The following MIA2 variants were observed in gnomAD, a reference collection of about 807,000 sequenced individuals.
The protein encoded by MIA2 is MIA SH3 domain ER export factor 2.
In MIA2, 127 loss-of-function variants were observed where a neutral mutation model predicts 167.8. The observed-to-expected ratio is 0.76, with a 90% CI of 0.66 to 0.88. MIA2 has a LOEUF of 0.88. Ranked by LOEUF, MIA2 falls within the 40% of genes least tolerant of loss-of-function variation. MIA2 has a pLI of 0.00. For synonymous variants in MIA2, 552 were observed against 541.9 expected (o/e 1.02, Z -0.26); for missense variants, 1,690 against 1,624.7 (o/e 1.04, Z -0.69).
chr14:39,348,074 A>G (rs1336449789), intron 27 of MIA2, among the ~76,000 whole-genome samples: 1 of 152,138 alleles, frequency 6.6e-6, no homozygotes, highest in African/African-American at 2.4e-5. Context: ...TGGCCTCCCA[A>G]AGTGCTGGTA....
intron 10 of MIA2, chr14:39,292,828 GA>G (rs1399285965): frequency 1.8e-5 from 3 of 166,234 alleles, no homozygotes; most frequent in Non-Finnish European, 3.9e-5. Flanking sequence ...AAGCAGCCTT[GA>G]TTTTTTTTTA....
downstream of MIA2, among the ~76,000 whole-genome samples, chr14:39,352,087 A>G (rs1221025188): frequency 6.6e-6 from 1 of 152,076 alleles, no homozygotes; most frequent in Non-Finnish European, 1.5e-5. Flanking sequence ...GGCCAGGTAT[A>G]CAATTTCCCC....
At chr14:39,305,586 C>G (rs1375136243) in intron 17 of MIA2, among the ~76,000 whole-genome samples, 1 of 152,076 alleles carries the variant, frequency 6.6e-6, no homozygotes, top group Admixed American at 6.5e-5. Context: ...CTGTTTCTTC[C>G]TTTTCTGGTA....
chr14:39,321,783 C>G (rs2066488468), intron 24 of MIA2, among the ~76,000 whole-genome samples: 1 of 130,348 alleles, frequency 7.7e-6, no homozygotes, highest in Non-Finnish European at 1.6e-5. Flanking sequence ...TTTTTGGAGA[C>G]TGTTTTCACT....
downstream of MIA2, among the ~76,000 whole-genome samples, chr14:39,354,480 A>G (rs554361353): frequency 1.6e-4 from 25 of 152,246 alleles, no homozygotes; most frequent in African/African-American, 5.8e-4. Context: ...AGATGAGTAG[A>G]TTGCAAAAAT....
chr14:39,237,988 C>T (rs934648134), intron 2 of MIA2, among the ~76,000 whole-genome samples: 7 of 152,090 alleles, frequency 4.6e-5, no homozygotes, highest in African/African-American at 1.7e-4. Context: ...GATCCACCCG[C>T]CTTGGCCTTC....
At chr14:39,297,841 ATAC>A (rs1436893107) in intron 13 of MIA2, among the ~76,000 whole-genome samples, 5 of 152,126 alleles carry the variant, frequency 3.3e-5, no homozygotes, top group Non-Finnish European at 5.9e-5. Context: ...AGTCCTGCTT[ATAC>A]CCCTGGTATT....
At chr14:39,349,908 CTTTAATCATCTGTA>C (rs2074166908) in intron 28 of MIA2, among the ~76,000 whole-genome samples, 176 bp from the exon 29 acceptor site, 1 of 151,826 alleles carries the variant, frequency 6.6e-6, no homozygotes, top group African/African-American at 2.4e-5. Context: ...ATGATATTTC[CTTTAATCATCTGTA>C]TTTGAAGAGG....
chr14:39,356,204 G>A (rs1282432618), downstream of MIA2, among the ~76,000 whole-genome samples: 1 of 152,096 alleles, frequency 6.6e-6, no homozygotes, highest in Admixed American at 6.5e-5. Context: ...TGGTTGGTAA[G>A]CTATTAATTA....
At chr14:39,369,078 AT>A (rs1396864702) in intron 23 of MIA2, among the ~76,000 whole-genome samples, 1 of 152,106 alleles carries the variant, frequency 6.6e-6, no homozygotes, top group African/African-American at 2.4e-5. Flanking sequence ...ACTGGCTCAT[AT>A]TTTTTTAAAT....
chr14:39,305,481 CTT>C (rs1454173306), intron 17 of MIA2, among the ~76,000 whole-genome samples: 2 of 152,146 alleles, frequency 1.3e-5, no homozygotes, highest in Admixed American at 6.5e-5. Flanking sequence ...TCCTTGTACT[CTT>C]CTTTCAAATC....
At chr14:39,381,277 A>G (rs1166436926) in intron 23 of MIA2, among the ~76,000 whole-genome samples, 1 of 152,214 alleles carries the variant, frequency 6.6e-6, no homozygotes. Flanking sequence ...CAGTCTACTG[A>G]GAAGAAATAA....
At chr14:39,301,711 T>G (rs953312203) in intron 14 of MIA2, among the ~76,000 whole-genome samples, 4 of 152,250 alleles carry the variant, frequency 2.6e-5, no homozygotes, top group Admixed American at 2.0e-4. Flanking sequence ...CTCAGCTAAT[T>G]GTTTCCTTGA....
intron 4 of MIA2, among the ~76,000 whole-genome samples, chr14:39,251,604 A>T (rs1295881089): frequency 2.6e-5 from 4 of 152,148 alleles, no homozygotes; most frequent in Non-Finnish European, 4.4e-5. Context: ...TATAGCATAA[A>T]ACATTATTGT....
At chr14:39,342,782 T>C (rs1313316269) in intron 25 of MIA2, among the ~76,000 whole-genome samples, 2 of 152,228 alleles carry the variant, frequency 1.3e-5, no homozygotes, top group African/African-American at 4.8e-5. Context: ...CCTGGGCATA[T>C]TACCTTCCTC....
At chr14:39,237,801 G>A (rs984484427) in intron 2 of MIA2, among the ~76,000 whole-genome samples, 6 of 151,994 alleles carry the variant, frequency 3.9e-5, no homozygotes, top group Non-Finnish European at 5.9e-5. Context: ...GTGCAGTGGC[G>A]CGATCTCTGC....
At chr14:39,343,236 C>G (rs2072421314) in intron 25 of MIA2, among the ~76,000 whole-genome samples, 1 of 152,194 alleles carries the variant, frequency 6.6e-6, no homozygotes, top group Non-Finnish European at 1.5e-5. Context: ...CCTCCGCCTC[C>G]TGGGTTCAAG....
chr14:39,375,619 C>T (rs1409520922), intron 23 of MIA2, among the ~76,000 whole-genome samples: 1 of 152,190 alleles, frequency 6.6e-6, no homozygotes, highest in Admixed American at 6.5e-5. Flanking sequence ...ATTGCTTGAA[C>T]CCGGGAGACA....
intron 17 of MIA2, among the ~76,000 whole-genome samples, chr14:39,305,811 C>T (rs1023017684): frequency 6.6e-6 from 1 of 152,124 alleles, no homozygotes; most frequent in Non-Finnish European, 1.5e-5. Context: ...TGGCACATGC[C>T]TGTAATCCCA....
Sources: allele counts gnomAD v4.1 joint callset (sites outside exome capture counted in the v4.1 genomes callset), GRCh38; gene constraint gnomAD v4.1.1; transcripts MANE v1.5; gene names NCBI Gene and HGNC (gene_info 2026-07-23, HGNC 2026-07-21).